Variants in SYNJ2 observed in about 807,000 individuals in gnomAD.
The protein encoded by SYNJ2 is synaptojanin 2.
SYNJ2 carries 116 observed loss-of-function variants against 141.3 expected under a neutral mutation model. The ratio of observed to expected loss-of-function variants is 0.82; its 90% confidence interval spans 0.71 to 0.96. The LOEUF (loss-of-function observed/expected upper bound fraction) is 0.96. SYNJ2 is among the 40% of genes least tolerant of loss of function. The probability of loss-of-function intolerance (pLI) is 0.00; values close to 1 mark genes in which losing one functional copy is unlikely to be tolerated. For synonymous variants in SYNJ2, 745 were observed against 777.7 expected, an observed-to-expected ratio of 0.96 and a Z score of 0.70; for missense variants, 1,873 against 1,934.8, an observed-to-expected ratio of 0.97 and a Z score of 0.60.
Position 158,038,378 on chromosome 6 carries a change from G to A in SYNJ2, c.711+4698G>A, listed in dbSNP as rs529981238. Among the ~76,000 whole-genome samples, 339 of 152,338 alleles carry A rather than the reference G, an allele frequency of 2.2e-3. 2 individuals carry two copies. Among genetic ancestry groups the A allele is most frequent in the South Asian group, 5.6e-3 (27 of 4,828 alleles). On this transcript the variant is annotated intron_variant, in intron 4 of 26. Transcript: ENST00000355585. ...CCGCTCACCCACAGATGCAGCCGCT[G>A]CGGATGCTGCCCCCGCCCCACCTAG...
chr6:158,081,495 C>T lies in SYNJ2; in HGVS notation c.2850C>T (p.Asp950=), dbSNP rs1744177. 163,641 of 1,612,520 alleles carry T rather than the reference C, an allele frequency of 0.1. 8,893 individuals are homozygous for T. The highest frequency in any genetic ancestry group is 0.11 in the Non-Finnish European group (127,999 of 1,179,388). Residue 950 remains aspartate (D), a synonymous_variant, in exon 20 of 27, where the codon GAC becomes GAT. Coordinates refer to ENST00000355585, the MANE Select transcript of SYNJ2 (RefSeq NM_003898.4). ...ADSHSALSVL[D]VDGMKVKGRA... is the part of the protein sequence containing the mutation. ...GTCACTCGGCTCTCAGTGTCCTGGA[C>T]GTGGACGGTATGAAGGTACGCTGTA...
At chr6:158,058,341 A>G (rs1170688684) in intron 6 of SYNJ2, among the ~76,000 whole-genome samples, 5 of 152,340 alleles carry the variant, frequency 3.3e-5, no homozygotes, top group African/African-American at 1.2e-4. Flanking sequence ...ACATGTTTAA[A>G]TTTGAAATGT....
chr6:158,041,569 C>T (rs1371863565), intron 4 of SYNJ2, among the ~76,000 whole-genome samples: 1 of 152,170 alleles, frequency 6.6e-6, no homozygotes, highest in Non-Finnish European at 1.5e-5. Context: ...TGACAGCCCT[C>T]AGTGTTTTCA....
intron 1 of SYNJ2, among the ~76,000 whole-genome samples, chr6:157,995,957 G>A (rs748211799): frequency 7.9e-5 from 12 of 152,158 alleles, no homozygotes; most frequent in Non-Finnish European, 1.2e-4. Context: ...CCACATCTGT[G>A]GAAAGGCATA....
intron 1 of SYNJ2, chr6:158,001,106 C>CCCCT (rs368718662): frequency 6.6e-6 from 1 of 152,636 alleles, no homozygotes; most frequent in Non-Finnish European, 1.5e-5. Context: ...CCGCGGTATC[C>CCCCT]CCAGCTCTTA....
Position 158,043,461 on chromosome 6 carries a change from A to G in SYNJ2, c.795+62A>G, listed in dbSNP as rs1780063419. ...GTTGTCCGCCCTGCCCTTCCCTTCA[A>G]TAGCTGGGGAAGATTTCTTTTAACA... On this transcript the variant is annotated intron_variant, in intron 5 of 26. Coordinates refer to ENST00000355585, the MANE Select transcript of SYNJ2 (RefSeq NM_003898.4). The surrounding 1 kb of genome is among the most constrained non-coding windows in gnomAD (Gnocchi z 4.0). The G allele has an allele frequency of 1.7e-6, 2 of 1,198,140 alleles. No homozygotes were observed. The highest frequency in any genetic ancestry group is 1.3e-5 in the South Asian group (1 of 78,472). The allele number at this position is 1,198,140 out of a possible 1,614,324, so 74.2% of individuals were successfully genotyped here. A position where few individuals can be genotyped will look rare whatever the true frequency, so the allele number is the denominator to read the frequency against.
In SYNJ2 at chr6:158,029,013, A is replaced by G. The variant is rs529031448; in HGVS notation, c.472A>G (p.Asn158Asp). 24 of 1,435,866 alleles carry G rather than the reference A, an allele frequency of 1.7e-5. 2 individuals are homozygous for G. The South Asian group carries it at 2.4e-4, about 14-fold the overall frequency. The allele number at this position is 1,435,866 out of a possible 1,614,324, so 88.9% of individuals were successfully genotyped here. A position where few individuals can be genotyped will look rare whatever the true frequency, so the allele number is the denominator to read the frequency against. ...GGGGGATGACAGCTCTGAATGGGGGAACTCCTTCTTCTGGTGAGGCCCTGG... is the reference window on the plus strand; with the variant it reads ...GGGGGATGACAGCTCTGAATGGGGGGACTCCTTCTTCTGGTGAGGCCCTGG... ...KQGDDSSEWG[N>D]SFFWNQLLHV... The change falls in exon 3 of 27, where the codon AAC (asparagine) becomes GAC (aspartate). Residue 158 changes from asparagine to aspartate, a missense_variant. Physicochemically the swap from Asn to Asp is conservative, Grantham distance 23. Transcript: ENST00000355585.
In SYNJ2 at chr6:158,033,658, C is replaced by A; in HGVS notation, c.689C>A (p.Ser230Tyr). 2 of 1,610,910 alleles carry A rather than the reference C, an allele frequency of 1.2e-6. No individual in the cohort carries two copies. The highest frequency in any genetic ancestry group is 2.2e-5 in the South Asian group (2 of 91,048). ...TRGVNDDGHV[S>Y]NFVETEQMIY... ...GGCGTGAACGACGACGGCCATGTGT[C>A]CAACTTCGTGGAGACAGAGCAGGTG... Residue 230 changes from serine (S) to tyrosine (Y), a missense_variant, in exon 4 of 27, where the codon TCC becomes TAC. Physicochemically the swap from Ser to Tyr is moderately radical, Grantham distance 144. Transcript: ENST00000355585.
chr6:158,084,018 G>A lies in SYNJ2; in HGVS notation c.3052G>A (p.Asp1018Asn), dbSNP rs771454251. Residue 1018 changes from aspartate to asparagine, a missense_variant, in exon 22 of 27, where the codon GAT becomes AAT. By Grantham distance (23) the Asp-to-Asn change is conservative. Coordinates refer to ENST00000355585, the MANE Select transcript of SYNJ2 (RefSeq NM_003898.4). This position sits in a 1 kb window ranked among gnomAD's most constrained non-coding sequence, Gnocchi z 5.0. ...TCTCCCAGGGGATATTCTTGAAGAC[G>A]ATGAAGACTACTTGGTGGATGAATT... Reference protein sequence around the residue: ...YESEGDILEDDEDYLVDEFNQ... With the variant: ...YESEGDILEDNEDYLVDEFNQ... 1.6e-5 allele frequency: 26 copies of A among 1,613,936 alleles called. No individual in the cohort carries two copies. The highest frequency in any genetic ancestry group is 2.2e-5 in the East Asian group (1 of 44,890).
chr6:158,028,573 C>T (rs1381058452), intron 2 of SYNJ2, 183 bp from the exon 3 acceptor site: 1 of 745,750 alleles, frequency 1.3e-6, no homozygotes, highest in African/African-American at 1.8e-5. Context: ...GAAGCCCCGC[C>T]TGAAGCTTAC....
At chr6:158,030,272 G>A (rs186372371) in intron 3 of SYNJ2, 48 of 152,796 alleles carry the variant, frequency 3.1e-4, no homozygotes, top group Non-Finnish European at 3.4e-4. Flanking sequence ...CATGGGAGTC[G>A]TTCCAATGAA....
At chr6:158,037,395 CT>C (rs869141011) in intron 4 of SYNJ2, among the ~76,000 whole-genome samples, 1,206 of 109,072 alleles carry the variant, frequency 0.011, 15 homozygotes, top group African/African-American at 0.042. Context: ...TTGTCCTCAT[CT>C]TTTTTTTTTT....
At chr6:158,023,031 C>T (rs1442058869) in intron 2 of SYNJ2, among the ~76,000 whole-genome samples, 1 of 152,246 alleles carries the variant, frequency 6.6e-6, no homozygotes, top group South Asian at 2.1e-4. Context: ...AGGAGGATCA[C>T]TTGAGCCTAG....
At chr6:158,064,066 G>A (rs111531970) in intron 9 of SYNJ2, among the ~76,000 whole-genome samples, 194 bp downstream of exon 9, 2,883 of 152,312 alleles carry the variant, frequency 0.019, 86 homozygotes, top group African/African-American at 0.062. Flanking sequence ...TTTCTCTGTC[G>A]TAGGCACACT....
intron 1 of SYNJ2, among the ~76,000 whole-genome samples, chr6:157,998,358 G>A (rs565358851): frequency 3.3e-5 from 5 of 152,334 alleles, no homozygotes; most frequent in East Asian, 1.9e-4. Context: ...CTTCTTCACC[G>A]AGTGGTTATA....
At chr6:158,056,602 C>A (rs776819314) in intron 6 of SYNJ2, among the ~76,000 whole-genome samples, 1 of 152,218 alleles carries the variant, frequency 6.6e-6, no homozygotes, top group East Asian at 1.9e-4. Context: ...GCCTAGTGGC[C>A]GCAGTGGGGC....
chr6:158,065,601 T>C (rs1562374839), intron 11 of SYNJ2, among the ~76,000 whole-genome samples: 1 of 152,236 alleles, frequency 6.6e-6, no homozygotes, highest in Non-Finnish European at 1.5e-5. Flanking sequence ...CATTTTTCCT[T>C]ATAAGAATGT....
In SYNJ2 at chr6:158,027,442, T is replaced by TA. The variant is rs1412446245; in HGVS notation, c.215-1313dup. ...GCACGGCGCCACCAGGCACCCCCGA[T>TA]ACGCAGCGTGTTGTGAAGTGCCCTT... is the stretch of plus-strand genomic sequence containing the variant. On this transcript the variant is annotated intron_variant, in intron 2 of 26. Transcript: ENST00000355585. The surrounding 1 kb of genome is among the most constrained non-coding windows in gnomAD (Gnocchi z 4.6). 4 of 155,208 alleles carry TA rather than the reference T, an allele frequency of 2.6e-5. No homozygotes were observed. The highest frequency in any genetic ancestry group is 9.6e-5 in the African/African-American group (4 of 41,486). The allele number at this position is 155,208 out of a possible 1,614,324, so 9.6% of individuals were successfully genotyped here. A position where few individuals can be genotyped will look rare whatever the true frequency, so the allele number is the denominator to read the frequency against.
chr6:158,065,738 G>A lies in SYNJ2; in HGVS notation c.1526-706G>A, dbSNP rs891787483. ...CTCTAATTTGGCTTCCGATAGGCACGGTGATATTTAGTTTCTACTCTGGAA... is the reference window on the plus strand; with the variant it reads ...CTCTAATTTGGCTTCCGATAGGCACAGTGATATTTAGTTTCTACTCTGGAA... On this transcript the variant is annotated intron_variant, in intron 11 of 26. Transcript: ENST00000355585. Among the ~76,000 whole-genome samples the A allele has an allele frequency of 7.2e-5, 11 of 152,176 alleles. 1 individual carries two copies. The highest frequency in any genetic ancestry group is 6.5e-4 in the Admixed American group (10 of 15,270).
Sources: allele counts gnomAD v4.1 joint callset (sites outside exome capture counted in the v4.1 genomes callset), GRCh38; gene constraint gnomAD v4.1.1; non-coding constraint Gnocchi (gnomAD v3.1); transcripts MANE v1.5; gene names NCBI Gene and HGNC (gene_info 2026-07-23, HGNC 2026-07-21).